The following IGSF11 variants were observed in gnomAD, a reference collection of about 807,000 sequenced individuals.
IGSF11 encodes the protein immunoglobulin superfamily member 11, also known as CXADR like 1.
Under a neutral mutation model 41.0 loss-of-function variants are expected in IGSF11, and 22 were observed. That is an observed-to-expected ratio of 0.54 (90% CI 0.38 to 0.77). The LOEUF (loss-of-function observed/expected upper bound fraction) is 0.77, where lower values mean the gene tolerates loss of function less well. IGSF11 is among the 30% of genes least tolerant of loss of function. IGSF11 has a pLI of 0.00. For missense variants in IGSF11, 444 were observed against 530.8 expected, an observed-to-expected ratio of 0.84 and a Z score of 1.61; for synonymous variants, 219 against 201.3, an observed-to-expected ratio of 1.09 and a Z score of -0.74.
In IGSF11 at chr3:118,999,101, T is replaced by C. The variant is rs563741268; in HGVS notation, c.52+35430A>G. On this transcript the variant is annotated intron_variant, in intron 1 of 6. Transcript: ENST00000393775. The stretch of plus-strand genomic sequence containing the variant: ...GTATATGGGTAATATAACTCTAGAA[T>C]TATACTTTAAAAAAAAAATCTGACA... Among the ~76,000 whole-genome samples, 17 of 151,976 alleles carry C rather than the reference T, an allele frequency of 1.1e-4. No individual in the cohort carries two copies. The East Asian group carries it at 3.3e-3, about 29-fold the overall frequency.
chr3:119,127,018 T>G (rs1251544247), intron 1 of IGSF11, among the ~76,000 whole-genome samples: 1 of 152,072 alleles, frequency 6.6e-6, no homozygotes, highest in Non-Finnish European at 1.5e-5. Context: ...CAGAACTGGA[T>G]GGAGGATCAG....
intron 1 of IGSF11, among the ~76,000 whole-genome samples, chr3:119,067,663 T>G (rs1230026914): frequency 6.6e-6 from 1 of 152,162 alleles, no homozygotes. Context: ...GCATCTAAAG[T>G]GCTTCAAGTT....
intron 1 of IGSF11, among the ~76,000 whole-genome samples, chr3:118,962,899 A>T (rs1266622838): frequency 6.6e-6 from 1 of 152,102 alleles, no homozygotes; most frequent in African/African-American, 2.4e-5. Context: ...ATAAACATCA[A>T]TTTGTATGTG....
chr3:118,979,034 A>C (rs1417051606), intron 1 of IGSF11, among the ~76,000 whole-genome samples: 1 of 152,188 alleles, frequency 6.6e-6, no homozygotes, highest in Non-Finnish European at 1.5e-5. Flanking sequence ...AACAATACAA[A>C]GAAATCAGAA....
intron 1 of IGSF11, among the ~76,000 whole-genome samples, chr3:119,021,948 C>T (rs1426792375): frequency 6.6e-6 from 1 of 152,108 alleles, no homozygotes; most frequent in Non-Finnish European, 1.5e-5. Context: ...AGTACTTCCA[C>T]AAACATGTTT....
rs1163474833 is a variant in IGSF11, at chr3:119,048,957, G to C, written c.49+56187C>G. ...TGACAAAATTCAACAGCCCTTCATG[G>C]TAAAAACTCTCAATAAATTAGGTAT... On this transcript the variant is annotated intron_variant, in intron 1 of 6. Transcript: ENST00000354673. 5.3e-5 allele frequency among the ~76,000 whole-genome samples: 8 copies of C among 152,176 alleles called. No individual in the cohort carries two copies. The South Asian group carries it at 8.3e-4, about 16-fold the overall frequency.
intron 4 of IGSF11, among the ~76,000 whole-genome samples, chr3:118,922,061 A>G (rs1206655177): frequency 6.6e-6 from 1 of 152,028 alleles, no homozygotes; most frequent in East Asian, 1.9e-4. Context: ...CTCACTGGTG[A>G]TCACTGATGC....
In IGSF11 at chr3:118,978,835, G is replaced by C. The variant is rs142354566; in HGVS notation, c.53-48560C>G. On this transcript the variant is annotated intron_variant, in intron 1 of 6. Coordinates refer to ENST00000393775, the MANE Select transcript of IGSF11 (RefSeq NM_001015887.3). ...ATTGGAAGAAGCAACTGTTACACCA[G>C]ATGCACAGATACCAATGTAAGGACA... is the stretch of plus-strand genomic sequence containing the variant. Among the ~76,000 whole-genome samples, 424 of 152,266 alleles carry C rather than the reference G, an allele frequency of 2.8e-3. 5 individuals carry two copies. The highest frequency in any genetic ancestry group is 9.6e-3 in the African/African-American group (400 of 41,556).
intron 1 of IGSF11, among the ~76,000 whole-genome samples, chr3:118,950,533 T>C (rs1404692356): frequency 6.6e-6 from 1 of 152,058 alleles, no homozygotes; most frequent in Non-Finnish European, 1.5e-5. Flanking sequence ...GTATTTCTCC[T>C]AGTGGGTGAA....
intron 1 of IGSF11, among the ~76,000 whole-genome samples, chr3:118,951,450 T>TAA (rs569803868): frequency 4.0e-4 from 61 of 152,230 alleles, no homozygotes; most frequent in Admixed American, 9.2e-4. Context: ...CACACACACA[T>TAA]AAGCATTTGA....
chr3:119,131,677 T>A (rs2077483865), intron 1 of IGSF11, among the ~76,000 whole-genome samples: 1 of 151,974 alleles, frequency 6.6e-6, no homozygotes, highest in Non-Finnish European at 1.5e-5. Context: ...CAGGCCAACA[T>A]TCAAATTCAG....
chr3:118,961,778 C>T (rs138361290), intron 1 of IGSF11, among the ~76,000 whole-genome samples: 11 of 152,224 alleles, frequency 7.2e-5, no homozygotes, highest in Non-Finnish European at 1.3e-4. Flanking sequence ...TTCTTGTTGT[C>T]ACTATGAAAT....
chr3:118,917,073 C>A (rs1415290287), intron 4 of IGSF11, among the ~76,000 whole-genome samples: 1 of 152,066 alleles, frequency 6.6e-6, no homozygotes, highest in African/African-American at 2.4e-5. Context: ...AACAAAGACA[C>A]AACATAGCAG....
chr3:119,045,336 C>T (rs1024839941), intron 1 of IGSF11, among the ~76,000 whole-genome samples: 14 of 152,352 alleles, frequency 9.2e-5, no homozygotes, highest in African/African-American at 1.9e-4. Flanking sequence ...ACTTGGGAAG[C>T]GCAAGGGGTC....
chr3:119,020,223 T>C (rs942554662), intron 1 of IGSF11, among the ~76,000 whole-genome samples: 2 of 152,190 alleles, frequency 1.3e-5, no homozygotes, highest in African/African-American at 4.8e-5. Flanking sequence ...GACCTCTACA[T>C]TATAACATAG....
rs1263869020 is a variant in IGSF11, at chr3:118,910,385, T to C, written c.581-4667A>G. Among the ~76,000 whole-genome samples, 6 of 151,922 alleles carry C rather than the reference T, an allele frequency of 3.9e-5. No homozygotes were observed. In the East Asian group the frequency reaches 1.2e-3, roughly 29 times the overall value. On this transcript the variant is annotated intron_variant, in intron 4 of 6. Transcript: ENST00000393775. Reference sequence around the variant, plus strand: ...TCTGACTCTTCTGAGTTTAAACATCTAATCGAGCCCCATATATTGTAATAT... The same window carrying C: ...TCTGACTCTTCTGAGTTTAAACATCCAATCGAGCCCCATATATTGTAATAT...
At chr3:118,954,113 T>G (rs967202707) in intron 1 of IGSF11, among the ~76,000 whole-genome samples, 7 of 152,110 alleles carry the variant, frequency 4.6e-5, no homozygotes, top group Admixed American at 2.6e-4. Flanking sequence ...ATTCTTCTAT[T>G]ACATGTACCT....
At chr3:118,994,729 T>C (rs972849126) in intron 1 of IGSF11, among the ~76,000 whole-genome samples, 1 of 152,184 alleles carries the variant, frequency 6.6e-6, no homozygotes, top group African/African-American at 2.4e-5. Context: ...GACAGATACA[T>C]ATGCCCATGG....
At chr3:118,910,660 T>C (rs757309183) in intron 4 of IGSF11, among the ~76,000 whole-genome samples, 2 of 152,214 alleles carry the variant, frequency 1.3e-5, no homozygotes, top group African/African-American at 2.4e-5. Flanking sequence ...TTGCATATTA[T>C]ATAAAGCCTT....
Sources: gnomAD v4.1 joint callset for allele counts (sites outside exome capture counted in the v4.1 genomes callset) on GRCh38, gnomAD v4.1.1 for gene constraint, MANE v1.5 for transcripts, NCBI Gene and HGNC (gene_info 2026-07-23, HGNC 2026-07-21) for gene names.